The following MYL11 variants were observed in gnomAD, a reference collection of about 807,000 sequenced individuals.
The protein encoded by MYL11 is myosin light chain 11.
the MYL11 span, chr16:30,374,878 A>C: frequency 6.2e-7 from 1 of 1,613,226 alleles, no homozygotes; most frequent in African/African-American, 1.3e-5. Context: ...AGAATCCTCC[A>C]ACCCCTGCCC....
At chr16:30,372,526 G>C in the MYL11 span, among the ~76,000 whole-genome samples, 1 of 151,724 alleles carries the variant, frequency 6.6e-6, no homozygotes, top group African/African-American at 2.4e-5. Context: ...AGGGGACTGG[G>C]TCACTGAGGC....
the MYL11 span, chr16:30,376,170 G>A: frequency 6.2e-7 from 1 of 1,614,036 alleles, no homozygotes; most frequent in South Asian, 1.1e-5. Context: ...GACCAGAACC[G>A]TGATGGTATT....
chr16:30,374,866 T>C, the MYL11 span: 1 of 1,613,260 alleles, frequency 6.2e-7, no homozygotes, highest in African/African-American at 1.3e-5. Flanking sequence ...ACATGGTGAG[T>C]GAGAATCCTC....
At chr16:30,376,631 G>A in the MYL11 span, 3 of 1,614,008 alleles carry the variant, frequency 1.9e-6, no homozygotes, top group Non-Finnish European at 2.5e-6. Context: ...TGCCGACCCT[G>A]AGGATGTGAT....
At chr16:30,377,916 T>C in the MYL11 span, 1 of 1,595,338 alleles carries the variant, frequency 6.3e-7, no homozygotes, top group Middle Eastern at 1.7e-4. Flanking sequence ...CCCGCGGGCC[T>C]CCGCTGCCCG....
the MYL11 span, chr16:30,377,930 C>A: frequency 6.3e-7 from 1 of 1,580,354 alleles, no homozygotes; most frequent in Non-Finnish European, 8.7e-7. Flanking sequence ...CTGCCCGACG[C>A]TTCTGTTCGG....
chr16:30,377,266 C>T, the MYL11 span, among the ~76,000 whole-genome samples: 5 of 151,830 alleles, frequency 3.3e-5, no homozygotes, highest in African/African-American at 1.2e-4. Flanking sequence ...ACCTATAGTC[C>T]CAGCTACTCC....
chr16:30,374,325 A>AG, the MYL11 span, among the ~76,000 whole-genome samples: 1 of 151,672 alleles, frequency 6.6e-6, no homozygotes. Context: ...AAAAAAAAAA[A>AG]AAGGGAGACA....
At chr16:30,371,837 T>A in the MYL11 span, among the ~76,000 whole-genome samples, 4 of 152,094 alleles carry the variant, frequency 2.6e-5, no homozygotes, top group Non-Finnish European at 4.4e-5. Flanking sequence ...CTCCAGGTTG[T>A]CCTTAGATCA....
the MYL11 span, chr16:30,374,776 T>C: frequency 6.4e-7 from 1 of 1,560,356 alleles, no homozygotes; most frequent in Non-Finnish European, 8.7e-7. Context: ...CAGGACTATA[T>C]AACCCCAGAG....
At chr16:30,371,534 G>A in the MYL11 span, among the ~76,000 whole-genome samples, 1 of 152,022 alleles carries the variant, frequency 6.6e-6, no homozygotes, top group African/African-American at 2.4e-5. Flanking sequence ...CATTTCCTGC[G>A]GGAATCCCAA....
At chr16:30,377,548 C>G in the MYL11 span, 1 of 1,226,076 alleles carries the variant, frequency 8.2e-7, no homozygotes, top group Non-Finnish European at 1.1e-6. Flanking sequence ...AGTAGAGTGA[C>G]CTGGGTTTTC....
At chr16:30,375,684 C>A in the MYL11 span, 1 of 690,112 alleles carries the variant, frequency 1.4e-6, no homozygotes, top group South Asian at 1.9e-5. Context: ...GCAAAGAGGT[C>A]CCAAGGAAGG....
chr16:30,371,783 C>T, the MYL11 span, among the ~76,000 whole-genome samples: 1 of 152,186 alleles, frequency 6.6e-6, no homozygotes, highest in Non-Finnish European at 1.5e-5. Flanking sequence ...TCCCTCTGTG[C>T]TCCTCATGTT....
At chr16:30,374,897 T>C in the MYL11 span, 4 of 1,611,186 alleles carry the variant, frequency 2.5e-6, no homozygotes, top group Admixed American at 6.7e-5. Flanking sequence ...CCAGATCCCT[T>C]AGACCTCAGG....
chr16:30,377,565 G>T, the MYL11 span: 1 of 1,341,238 alleles, frequency 7.5e-7, no homozygotes, highest in Non-Finnish European at 9.8e-7. Flanking sequence ...TTTCAGGGGA[G>T]GCTGGGGCTG....
chr16:30,371,436 G>A, the MYL11 span, among the ~76,000 whole-genome samples: 1 of 152,016 alleles, frequency 6.6e-6, no homozygotes, highest in African/African-American at 2.4e-5. Context: ...CTCCGATCTC[G>A]GCCCCCAACT....
At chr16:30,377,663 G>C in the MYL11 span, 2 of 1,522,852 alleles carry the variant, frequency 1.3e-6, no homozygotes, top group Non-Finnish European at 1.8e-6. Context: ...GCCTGGAGGA[G>C]CTGCTGACCA....
the MYL11 span, chr16:30,376,075 TC>T: frequency 1.1e-4 from 175 of 1,555,890 alleles, no homozygotes; most frequent in Non-Finnish European, 2.2e-5. Context: ...CAGCATCTGA[TC>T]CTCCTGGGGT....
Sources: allele counts gnomAD v4.1 joint callset (sites outside exome capture counted in the v4.1 genomes callset), GRCh38; gene constraint gnomAD v4.1.1; transcripts MANE v1.5; gene names NCBI Gene and HGNC (gene_info 2026-07-23, HGNC 2026-07-21).